RUNX3: variants seen among roughly 807,000 people sequenced by gnomAD.
RUNX3 encodes RUNX family transcription factor 3, also known as runt-related transcription factor 3.
Under a neutral mutation model 27.7 loss-of-function variants are expected in RUNX3, and 10 were observed. The observed-to-expected ratio is 0.36, with a 90% CI of 0.22 to 0.61. RUNX3 has a LOEUF of 0.61. RUNX3 is among the 20% of genes least tolerant of loss of function. The pLI, the probability that RUNX3 is intolerant of heterozygous loss-of-function variation, is 0.72. For synonymous variants in RUNX3, 270 were observed against 269.2 expected (o/e 1.00, Z -0.03); for missense variants, 469 against 629.5 (o/e 0.75, Z 2.73).
intron 4 of RUNX3, among the ~76,000 whole-genome samples, chr1:24,903,614 A>C (rs1640609158): frequency 6.6e-6 from 1 of 152,204 alleles, no homozygotes; most frequent in Non-Finnish European, 1.5e-5. Context: ...ATTGAGTCTA[A>C]CACCCTTGAT....
intron 2 of RUNX3, among the ~76,000 whole-genome samples, chr1:24,925,648 G>A (rs971270631): frequency 5.9e-5 from 9 of 152,110 alleles, no homozygotes; most frequent in African/African-American, 2.2e-4. Flanking sequence ...GGCTCTCAAA[G>A]ACCTCGAGCC....
intron 3 of RUNX3, among the ~76,000 whole-genome samples, chr1:24,907,736 C>T (rs1365892185): frequency 1.3e-5 from 2 of 151,428 alleles, no homozygotes; most frequent in African/African-American, 4.9e-5. Context: ...ACCTCTACAA[C>T]ACACTGTGAT....
chr1:24,928,108 G>C (rs1047318075), intron 1 of RUNX3, among the ~76,000 whole-genome samples: 13 of 152,224 alleles, frequency 8.5e-5, no homozygotes, highest in Non-Finnish European at 1.5e-4. Context: ...TCCTAGCAAC[G>C]AAGTCTCCAA....
rs917030923 is a variant in RUNX3, at chr1:24,902,756, G to T, written c.704-90C>A. On this transcript the variant is annotated intron_variant, in intron 4 of 4. Transcript: ENST00000308873. The surrounding 1 kb of genome is among the most constrained non-coding windows in gnomAD (Gnocchi z 9.2). Reference sequence around the variant, plus strand: ...ATGACCTTGGGCTCTGGTTCCCAAGGCCCATCTGGGGGACCCCTAGTTCTA... The same window carrying T: ...ATGACCTTGGGCTCTGGTTCCCAAGTCCCATCTGGGGGACCCCTAGTTCTA... The T allele has an allele frequency of 8.5e-7, 1 of 1,181,618 alleles. No individual in the cohort carries two copies. The highest frequency in any genetic ancestry group is 1.2e-6 in the Non-Finnish European group (1 of 862,840). The allele number at this position is 1,181,618 out of a possible 1,614,324, so 73.2% of individuals were successfully genotyped here.
At chr1:24,937,723 G>C (rs575320163) in intron 2 of RUNX3, among the ~76,000 whole-genome samples, 1 of 152,360 alleles carries the variant, frequency 6.6e-6, no homozygotes, top group African/African-American at 2.4e-5. Context: ...GCATAACTGA[G>C]GCCAGAGAAG....
intron 2 of RUNX3, among the ~76,000 whole-genome samples, chr1:24,925,892 T>C (rs1357562866): frequency 1.3e-5 from 2 of 152,066 alleles, no homozygotes; most frequent in Non-Finnish European, 2.9e-5. Flanking sequence ...TTTCCCTCCC[T>C]GCAGGCCTGG....
chr1:24,963,528 A>G (rs1325947153), intron 2 of RUNX3, among the ~76,000 whole-genome samples: 1 of 152,212 alleles, frequency 6.6e-6, no homozygotes, highest in Non-Finnish European at 1.5e-5. Context: ...GACAATGAGA[A>G]TTCCACAAGC....
rs1641188268 is a variant in RUNX3, at chr1:24,930,100, A to G, written c.-232T>C. ...CCGCAGCCTGCCCGGCTAGTCCCGC[A>G]TCCTCGGCGCGCGGCCCCGCGTGCG... On this transcript the variant is annotated 5_prime_UTR_variant, in exon 1 of 5. It removes an upstream start codon present in the reference 5' UTR. Coordinates refer to ENST00000308873, the MANE Select transcript of RUNX3 (RefSeq NM_004350.3). This position sits in a 1 kb window ranked among gnomAD's most constrained non-coding sequence, Gnocchi z 4.1. 1 of 978,406 alleles carries G rather than the reference A, an allele frequency of 1.0e-6. No individual in the cohort carries two copies. The highest frequency in any genetic ancestry group is 1.8e-5 in the African/African-American group (1 of 56,222). The allele number at this position is 978,406 out of a possible 1,614,324, so 60.6% of individuals were successfully genotyped here. A position where few individuals can be genotyped will look rare whatever the true frequency, so the allele number is the denominator to read the frequency against.
intron 2 of RUNX3, among the ~76,000 whole-genome samples, chr1:24,921,151 T>C (rs897335682): frequency 6.6e-6 from 1 of 152,206 alleles, no homozygotes; most frequent in African/African-American, 2.4e-5. Flanking sequence ...GCCTCCAAAG[T>C]GAGCAGGTAG....
intron 2 of RUNX3, among the ~76,000 whole-genome samples, chr1:24,951,217 A>T (rs1392072106): frequency 1.4e-5 from 2 of 147,748 alleles, no homozygotes; most frequent in South Asian, 2.2e-4. Flanking sequence ...AAAAAAAAAA[A>T]AAAAAATAAG....
chr1:24,921,478 A>C, intron 2 of RUNX3, among the ~76,000 whole-genome samples: 1 of 152,098 alleles, frequency 6.6e-6, no homozygotes, highest in East Asian at 1.9e-4. Flanking sequence ...AGAAATTCTG[A>C]CTGCACTTGC....
At chr1:24,938,156 T>C (rs557150300) in intron 2 of RUNX3, among the ~76,000 whole-genome samples, 1 of 152,360 alleles carries the variant, frequency 6.6e-6, no homozygotes, top group African/African-American at 2.4e-5. Context: ...AGCCAACTGC[T>C]AGATCCAGGG....
intron 2 of RUNX3, among the ~76,000 whole-genome samples, chr1:24,920,058 T>C (rs1640968868): frequency 6.6e-6 from 1 of 152,184 alleles, no homozygotes; most frequent in African/African-American, 2.4e-5. Flanking sequence ...TATTGATGTG[T>C]GCAGCTGGAG....
In RUNX3 at chr1:24,902,091, C is replaced by G. The variant is rs756468908; in HGVS notation, c.*31G>C. 5 of 1,484,318 alleles carry G rather than the reference C, an allele frequency of 3.4e-6. No individual in the cohort carries two copies. The highest frequency in any genetic ancestry group is 4.8e-5 in the East Asian group (2 of 41,758). The allele number at this position is 1,484,318 out of a possible 1,614,324, so 91.9% of individuals were successfully genotyped here. ...TGGTCTTGAAGGTTGTTAGGGTCCC[C>G]GCCTCCAGCGGGAGGAGTCCACCAG... On this transcript the variant is annotated 3_prime_UTR_variant, in exon 5 of 5. Coordinates refer to ENST00000308873, the MANE Select transcript of RUNX3 (RefSeq NM_004350.3). This position sits in a 1 kb window ranked among gnomAD's most constrained non-coding sequence, Gnocchi z 9.2.
At chr1:24,938,117 A>G (rs930849331) in intron 2 of RUNX3, among the ~76,000 whole-genome samples, 1 of 152,238 alleles carries the variant, frequency 6.6e-6, no homozygotes, top group Non-Finnish European at 1.5e-5. Flanking sequence ...GCCATGTCCT[A>G]TAACCAGGCC....
upstream of RUNX3, among the ~76,000 whole-genome samples, chr1:24,933,778 G>A (rs1018621736): frequency 8.5e-5 from 13 of 152,168 alleles, no homozygotes; most frequent in Non-Finnish European, 1.6e-4. Flanking sequence ...GGGCCTCAGC[G>A]GACACTGCCA....
intron 3 of RUNX3, among the ~76,000 whole-genome samples, chr1:24,910,595 C>T (rs187020355): frequency 6.6e-6 from 1 of 152,270 alleles, no homozygotes; most frequent in Non-Finnish European, 1.5e-5. Context: ...TACTTGTAGG[C>T]CCCCAAGCTC....
At chr1:24,914,687 G>A (rs775792890) in intron 3 of RUNX3, among the ~76,000 whole-genome samples, 2 of 152,144 alleles carry the variant, frequency 1.3e-5, no homozygotes, top group African/African-American at 2.4e-5. Context: ...TGCCCCTAGC[G>A]CAGGAGACAC....
intron 3 of RUNX3, among the ~76,000 whole-genome samples, chr1:24,907,997 CTAAACCTCTA>C (rs1306851928): frequency 1.9e-4 from 28 of 151,338 alleles, no homozygotes; most frequent in Admixed American, 1.2e-3. Context: ...ACGCGGTGAT[CTAAACCTCTA>C]CAACACGCGG....
Sources: gnomAD v4.1 joint callset for allele counts (sites outside exome capture counted in the v4.1 genomes callset) on GRCh38, gnomAD v4.1.1 for gene constraint, Gnocchi (gnomAD v3.1) non-coding constraint, MANE v1.5 for transcripts, NCBI Gene and HGNC (gene_info 2026-07-23, HGNC 2026-07-21) for gene names.